Variants in BIRC6 observed in about 807,000 individuals in gnomAD.
The protein encoded by BIRC6 is dual E2 ubiquitin-conjugating enzyme/E3 ubiquitin-protein ligase BIRC6.
Under a neutral mutation model 503.3 loss-of-function variants are expected in BIRC6, and 98 were observed. The observed-to-expected ratio is 0.19, with a 90% CI of 0.17 to 0.23. The LOEUF (loss-of-function observed/expected upper bound fraction) is 0.23, where lower values mean the gene tolerates loss of function less well. Ranked by LOEUF, BIRC6 falls within the 10% of genes least tolerant of loss-of-function variation. The pLI is 1.00. For synonymous variants in BIRC6, 2,240 were observed against 2,078.7 expected (o/e 1.08, Z -2.11); for missense variants, 5,360 against 5,806.0 (o/e 0.92, Z 2.50).
intron 32 of BIRC6, 121 bp downstream of exon 32, chr2:32,471,245 T>C: frequency 1.5e-6 from 2 of 1,297,674 alleles, no homozygotes; most frequent in South Asian, 1.5e-5. Flanking sequence ...ACCAGCTGTA[T>C]GTAATTTAAG....
chr2:32,379,151 A>G (rs1485937446), intron 2 of BIRC6: 1 of 152,176 alleles, frequency 6.6e-6, no homozygotes, highest in Non-Finnish European at 1.5e-5. Context: ...TTGAGTTCCA[A>G]AAACAGAGAA....
At chr2:32,580,176 A>T (rs1559096965) in intron 66 of BIRC6, among the ~76,000 whole-genome samples, 1 of 151,706 alleles carries the variant, frequency 6.6e-6, no homozygotes, top group East Asian at 1.9e-4. Context: ...CTGGTCACAA[A>T]CTCCTGACCT....
chr2:32,406,537 C>T lies in BIRC6; in HGVS notation c.1457C>T (p.Ser486Phe), dbSNP rs1235221342. The change falls in exon 9 of 74, where the codon TCC becomes TTC. Residue 486 changes from serine (S) to phenylalanine (F), a missense_variant. Physicochemically the swap from Ser to Phe is radical, Grantham distance 155. Transcript: ENST00000421745. Reference sequence around the variant, plus strand: ...GAGGATTCAGACAGTGAAGAGCATTCCAGATCAGATTCTGTGACAGGTATG... The same window carrying T: ...GAGGATTCAGACAGTGAAGAGCATTTCAGATCAGATTCTGTGACAGGTATG... ...LLEDSDSEEH[S>F]RSDSVTGHTS... 1 of 1,609,758 alleles carries T rather than the reference C, an allele frequency of 6.2e-7. No homozygotes were observed. The highest frequency in any genetic ancestry group is 2.2e-5 in the East Asian group (1 of 44,766).
At chr2:32,485,819 C>G in intron 40 of BIRC6, 60 bp downstream of exon 40, 2 of 1,124,206 alleles carry the variant, frequency 1.8e-6, no homozygotes, top group Non-Finnish European at 2.6e-6. Flanking sequence ...TCATCATTTT[C>G]AGGTGGATTC....
rs769931699 is a variant in BIRC6 at position 32,415,491 on chromosome 2, G to C, written c.2200G>C (p.Asp734His). The C allele has an allele frequency of 6.2e-7, 1 of 1,613,874 alleles. No homozygotes were observed. The highest frequency in any genetic ancestry group is 1.3e-5 in the African/African-American group (1 of 74,932). ...TGCAGAGGAGGAGAATCTTTGTATAGACTCAATAACTCCTTGTGCTGACGG... is the reference window on the plus strand; with the variant it reads ...TGCAGAGGAGGAGAATCTTTGTATACACTCAATAACTCCTTGTGCTGACGG... ...KFAEEENLCI[D>H]SITPCADGIH... Residue 734 changes from aspartate to histidine, a missense_variant, in exon 10 of 74, where the codon GAC becomes CAC. Asp to His is a moderately conservative substitution (Grantham distance 81). Transcript: ENST00000421745.
intron 3 of BIRC6, 49 bp downstream of exon 3, chr2:32,380,339 C>G (rs189247647): frequency 2.2e-4 from 332 of 1,527,314 alleles, no homozygotes; most frequent in African/African-American, 1.6e-3. Context: ...ACAATGGACA[C>G]CTCCATTCTT....
At chr2:32,381,143 A>G (rs964464915) in intron 3 of BIRC6, among the ~76,000 whole-genome samples, 1 of 152,238 alleles carries the variant, frequency 6.6e-6, no homozygotes, top group Non-Finnish European at 1.5e-5. Context: ...CCATTTTCCT[A>G]TAAGTAACTT....
At position 32,499,523 on chromosome 2, in the gene BIRC6, G is replaced by GTC. The variant is rs145668508; in HGVS notation, c.8469-6_8469-5dup. 4.2e-3 allele frequency: 5,757 copies of GTC among 1,368,468 alleles called. 27 individuals are homozygous for GTC. Among genetic ancestry groups the GTC allele is most frequent in the African/African-American group, 0.035 (2,354 of 67,738 alleles). 84.8% of individuals were successfully genotyped at this position (1,368,468 alleles called of 1,614,324 possible). ...TATCTCTCTCTCTCTCTCTTTTTCT[G>GTC]TCTCTCTCTCTCTCTCTCTGCAGGG... On this transcript the variant is annotated intron_variant, in intron 45 of 73. Coordinates refer to ENST00000421745, the MANE Select transcript of BIRC6 (RefSeq NM_016252.4).
intron 9 of BIRC6, among the ~76,000 whole-genome samples, chr2:32,407,204 G>A (rs2041316586): frequency 2.0e-5 from 3 of 152,002 alleles, no homozygotes; most frequent in Admixed American, 2.0e-4. Context: ...CTAGCACTTT[G>A]GGAGGCCACA....
At chr2:32,550,732 C>T (rs2058369480) in intron 65 of BIRC6, among the ~76,000 whole-genome samples, 1 of 151,944 alleles carries the variant, frequency 6.6e-6, no homozygotes, top group African/African-American at 2.4e-5. Context: ...GAGCTTTTAT[C>T]TTTATGGTTC....
At chr2:32,428,469 C>T (rs2043765102) in intron 10 of BIRC6, among the ~76,000 whole-genome samples, 1 of 152,180 alleles carries the variant, frequency 6.6e-6, no homozygotes. Flanking sequence ...AGTGAATGTG[C>T]TGGTTTTCAC....
chr2:32,478,506 T>C lies in BIRC6; in HGVS notation c.7069-129T>C. Reference sequence around the variant, plus strand: ...TGCATTCCATCTCAAGCAATTTTTTTTGATACCAGACTCATACATCATTGT... The same window carrying C: ...TGCATTCCATCTCAAGCAATTTTTTCTGATACCAGACTCATACATCATTGT... On this transcript the variant is annotated intron_variant, in intron 35 of 73. Transcript: ENST00000421745. The C allele has an allele frequency of 7.5e-6, 5 of 664,864 alleles. No individual in the cohort carries two copies. In the Admixed American group the frequency reaches 1.2e-4, roughly 16 times the overall value. The allele number at this position is 664,864 out of a possible 1,614,324, so 41.2% of individuals were successfully genotyped here.
chr2:32,380,638 A>G (rs1202277632), intron 3 of BIRC6, among the ~76,000 whole-genome samples: 1 of 152,144 alleles, frequency 6.6e-6, no homozygotes, highest in Non-Finnish European at 1.5e-5. Context: ...AGACATGAGA[A>G]TCACTTGAAC....
At chr2:32,453,592 A>G (rs2046938124) in intron 22 of BIRC6, among the ~76,000 whole-genome samples, 3 of 152,128 alleles carry the variant, frequency 2.0e-5, no homozygotes. Flanking sequence ...AGGAGCTACT[A>G]AGTTGCTTTT....
intron 65 of BIRC6, among the ~76,000 whole-genome samples, chr2:32,567,060 T>A (rs977887171): frequency 2.0e-5 from 3 of 152,194 alleles, no homozygotes; most frequent in African/African-American, 4.8e-5. Context: ...AACCTCTGCC[T>A]CCAGGGTTCA....
intron 33 of BIRC6, among the ~76,000 whole-genome samples, chr2:32,475,040 C>T (rs538295786): frequency 6.6e-6 from 1 of 151,496 alleles, no homozygotes; most frequent in East Asian, 1.9e-4. Context: ...TGGCGTGTGC[C>T]TGTAGTCCCA....
intron 61 of BIRC6, chr2:32,532,013 A>T (rs984453170): frequency 2.2e-6 from 1 of 461,030 alleles, no homozygotes; most frequent in African/African-American, 2.0e-5. Context: ...GAAGCTGTCA[A>T]TGTCTGTGCT....
intron 1 of BIRC6, among the ~76,000 whole-genome samples, chr2:32,366,246 T>C (rs2034913420): frequency 6.6e-6 from 1 of 152,258 alleles, no homozygotes; most frequent in South Asian, 2.1e-4. Flanking sequence ...GGGCTTTCTT[T>C]CCCTGCTGGC....
intron 3 of BIRC6, among the ~76,000 whole-genome samples, chr2:32,386,650 G>C (rs910352429): frequency 6.6e-6 from 1 of 152,050 alleles, no homozygotes; most frequent in African/African-American, 2.4e-5. Flanking sequence ...ATGTTGACCA[G>C]GATGGTCTCA....
Sources: allele counts gnomAD v4.1 joint callset (sites outside exome capture counted in the v4.1 genomes callset), GRCh38; gene constraint gnomAD v4.1.1; transcripts MANE v1.5; gene names NCBI Gene and HGNC (gene_info 2026-07-23, HGNC 2026-07-21).